MRPL42: variants seen among roughly 807,000 people sequenced by gnomAD.
The protein encoded by MRPL42 is mitochondrial ribosomal protein L42.
MRPL42 carries 17 observed loss-of-function variants against 17.9 expected under a neutral mutation model. That is an observed-to-expected ratio of 0.95 (90% CI 0.65 to 1.42). The LOEUF is 1.42. Among genes scored for constraint, MRPL42 ranks in the 40% most tolerant of loss-of-function variants. The pLI, the probability that MRPL42 is intolerant of heterozygous loss-of-function variation, is 0.00. For missense variants in MRPL42, 177 were observed against 175.2 expected, an observed-to-expected ratio of 1.01 and a Z score of -0.06; for synonymous variants, 59 against 54.4, an observed-to-expected ratio of 1.08 and a Z score of -0.37.
Position 93,504,516 on chromosome 12 carries a change from T to C in MRPL42, c.*3295T>C, listed in dbSNP as rs1953645762. 1 of 152,250 alleles carries C rather than the reference T, an allele frequency of 6.6e-6. No homozygotes were observed. Among genetic ancestry groups the C allele is most frequent in the South Asian group, 2.1e-4 (1 of 4,830 alleles). The allele number at this position is 152,250 out of a possible 1,614,324, so 9.4% of individuals were successfully genotyped here. A position where few individuals can be genotyped will look rare whatever the true frequency, so the allele number is the denominator to read the frequency against. ...GTTCTATTAAAATTTTAAAAAATCT[T>C]TATCAATTTAGTAGGCAAAGACTGG... On this transcript the variant is annotated 3_prime_UTR_variant, in exon 6 of 6. Transcript: ENST00000549982.
intron 2 of MRPL42, among the ~76,000 whole-genome samples, chr12:93,475,390 A>G (rs1015986809): frequency 1.6e-4 from 24 of 151,942 alleles, no homozygotes; most frequent in Non-Finnish European, 1.5e-4. Flanking sequence ...TGCTGGGATT[A>G]CAGGCATGAG....
At chr12:93,478,214 C>T (rs1001972628) in intron 3 of MRPL42, among the ~76,000 whole-genome samples, 5 of 151,382 alleles carry the variant, frequency 3.3e-5, no homozygotes, top group Middle Eastern at 3.6e-3. Flanking sequence ...CCTCGGCCTC[C>T]CAGCGTACAA....
At position 93,513,012 on chromosome 12, in the gene MRPL42, A is replaced by T. The variant is rs1310200026; in HGVS notation, c.*11791A>T. On this transcript the variant is annotated 3_prime_UTR_variant, in exon 6 of 6. Transcript: ENST00000549982. ...ATTAGTTTAAAAACTTTTTTTTCCC[A>T]TTCCGACCATTATCCCTTTGTAAAT... The T allele has an allele frequency of 6.6e-6, 1 of 152,088 alleles. No individual in the cohort carries two copies. The highest frequency in any genetic ancestry group is 1.5e-5 in the Non-Finnish European group (1 of 68,014). The allele number at this position is 152,088 out of a possible 1,614,324, so 9.4% of individuals were successfully genotyped here.
intron 5 of MRPL42, among the ~76,000 whole-genome samples, chr12:93,496,920 C>G (rs1470106842): frequency 6.6e-6 from 1 of 152,030 alleles, no homozygotes; most frequent in African/African-American, 2.4e-5. Flanking sequence ...ACAAGTGATT[C>G]CTCAGAGACT....
rs1395286526 is a variant in MRPL42 at position 93,514,341 on chromosome 12, C to G, written c.*13120C>G. ...GAGATGGCGTCTCCTCTGTCAATCT[C>G]GGTTCATTGCAACCTCCACCTCCCA... On this transcript the variant is annotated 3_prime_UTR_variant, in exon 6 of 6. Coordinates refer to ENST00000549982, the MANE Select transcript of MRPL42 (RefSeq NM_014050.4). 7.2e-6 allele frequency: 1 copy of G among 139,130 alleles called. No individual in the cohort carries two copies. The highest frequency in any genetic ancestry group is 2.2e-4 in the East Asian group (1 of 4,622). The allele number at this position is 139,130 out of a possible 1,614,324, so 8.6% of individuals were successfully genotyped here.
At chr12:93,483,237 T>C (rs1388977378) in intron 4 of MRPL42, among the ~76,000 whole-genome samples, 2 of 152,214 alleles carry the variant, frequency 1.3e-5, no homozygotes, top group Admixed American at 1.3e-4. Context: ...TGTCTCCCTT[T>C]CTACTTTTCA....
rs1409050651 is a variant in MRPL42 at position 93,505,419 on chromosome 12, A to G, written c.*4198A>G. 6.6e-6 allele frequency: 1 copy of G among 152,340 alleles called. No individual in the cohort carries two copies. Among genetic ancestry groups the G allele is most frequent in the East Asian group, 1.9e-4 (1 of 5,194 alleles). 9.4% of individuals were successfully genotyped at this position (152,340 alleles called of 1,614,324 possible). On this transcript the variant is annotated 3_prime_UTR_variant, in exon 6 of 6. Coordinates refer to ENST00000549982, the MANE Select transcript of MRPL42 (RefSeq NM_014050.4). ...CAGCCCACAAACACTGGTAGTAAGC[A>G]AACTATTTTATTTGCTAAAGGCATA...
chr12:93,473,612 G>A (rs1880011363), intron 2 of MRPL42, among the ~76,000 whole-genome samples: 1 of 151,680 alleles, frequency 6.6e-6, no homozygotes, highest in South Asian at 2.1e-4. Context: ...TGTATTTTTA[G>A]TAGAGATGGG....
intron 5 of MRPL42, 132 bp downstream of exon 5, chr12:93,487,792 G>A: frequency 1.2e-6 from 1 of 822,614 alleles, no homozygotes; most frequent in Non-Finnish European, 1.8e-6. Flanking sequence ...CACCTACTAT[G>A]TTGTACTTTT....
At chr12:93,499,577 C>G (rs910492197) in intron 5 of MRPL42, among the ~76,000 whole-genome samples, 3 of 151,926 alleles carry the variant, frequency 2.0e-5, no homozygotes, top group Non-Finnish European at 2.9e-5. Flanking sequence ...CTAGTACAAC[C>G]TTGATTATCT....
At chr12:93,472,540 T>C (rs949481299) in intron 2 of MRPL42, among the ~76,000 whole-genome samples, 2 of 152,118 alleles carry the variant, frequency 1.3e-5, no homozygotes, top group Admixed American at 1.3e-4. Context: ...ATTGTGCCAT[T>C]GTACTCCAGC....
chr12:93,487,787 A>G lies in MRPL42; in HGVS notation c.383+127A>G, dbSNP rs995559690. On this transcript the variant is annotated intron_variant, in intron 5 of 5. Coordinates refer to ENST00000549982, the MANE Select transcript of MRPL42 (RefSeq NM_014050.4). ...AAATTAACCCTAAGTAGAATCACCT[A>G]CTATGTTGTACTTTTTTTTTCTTTT... The G allele has an allele frequency of 1.6e-5, 13 of 829,762 alleles. No homozygotes were observed. In the Admixed American group the frequency reaches 1.7e-4, roughly 11 times the overall value. The allele number at this position is 829,762 out of a possible 1,614,324, so 51.4% of individuals were successfully genotyped here.
chr12:93,478,145 G>A (rs1220686236), intron 3 of MRPL42, among the ~76,000 whole-genome samples: 5 of 151,906 alleles, frequency 3.3e-5, no homozygotes, highest in African/African-American at 7.3e-5. Flanking sequence ...TTGTAGAAAC[G>A]GGGTTTCACC....
At chr12:93,479,846 G>C (rs1479376738) in intron 4 of MRPL42, among the ~76,000 whole-genome samples, 1 of 148,136 alleles carries the variant, frequency 6.8e-6, no homozygotes, top group Non-Finnish European at 1.5e-5. Flanking sequence ...TGGGATTACA[G>C]CTACTTTTTT....
At chr12:93,481,934 C>T (rs1392432591) in intron 4 of MRPL42, among the ~76,000 whole-genome samples, 1 of 152,142 alleles carries the variant, frequency 6.6e-6, no homozygotes, top group East Asian at 1.9e-4. Flanking sequence ...CATGGTTTAT[C>T]ATTATCATCA....
intron 2 of MRPL42, among the ~76,000 whole-genome samples, chr12:93,473,730 C>T (rs1380690261): frequency 1.3e-5 from 2 of 151,462 alleles, no homozygotes; most frequent in Non-Finnish European, 2.9e-5. Context: ...TACGCTTGGC[C>T]TATGTTTTGT....
chr12:93,505,285 G>C lies in MRPL42; in HGVS notation c.*4064G>C, dbSNP rs1190234507. The C allele has an allele frequency of 6.6e-6, 1 of 152,150 alleles. No individual in the cohort carries two copies. Among genetic ancestry groups the C allele is most frequent in the Non-Finnish European group, 1.5e-5 (1 of 68,032 alleles). 9.4% of individuals were successfully genotyped at this position (152,150 alleles called of 1,614,324 possible). A position where few individuals can be genotyped will look rare whatever the true frequency, so the allele number is the denominator to read the frequency against. ...AATTTTTAAGAAAAAAAGATATAATGTGCCATCATTTTGGATGGTTCTGGG... is the reference window on the plus strand; with the variant it reads ...AATTTTTAAGAAAAAAAGATATAATCTGCCATCATTTTGGATGGTTCTGGG... On this transcript the variant is annotated 3_prime_UTR_variant, in exon 6 of 6. Coordinates refer to ENST00000549982, the MANE Select transcript of MRPL42 (RefSeq NM_014050.4).
In MRPL42 at chr12:93,514,630, A is replaced by G. The variant is rs1953762525; in HGVS notation, c.*13409A>G. 2 of 152,178 alleles carry G rather than the reference A, an allele frequency of 1.3e-5. No individual in the cohort carries two copies. Among genetic ancestry groups the G allele is most frequent in the Admixed American group, 6.5e-5 (1 of 15,270 alleles). 9.4% of individuals were successfully genotyped at this position (152,178 alleles called of 1,614,324 possible). A position where few individuals can be genotyped will look rare whatever the true frequency, so the allele number is the denominator to read the frequency against. ...ATATTGAGTGGAAATCAGTCTGCTTATGGTTTATAATCCTCAGACTTGATT... is the reference window on the plus strand; with the variant it reads ...ATATTGAGTGGAAATCAGTCTGCTTGTGGTTTATAATCCTCAGACTTGATT... On this transcript the variant is annotated 3_prime_UTR_variant, in exon 6 of 6. Coordinates refer to ENST00000549982, the MANE Select transcript of MRPL42 (RefSeq NM_014050.4).
chr12:93,488,144 G>A (rs899917053), intron 5 of MRPL42: 10 of 345,958 alleles, frequency 2.9e-5, no homozygotes, highest in Non-Finnish European at 4.6e-5. Context: ...CTAATTTTTT[G>A]TATTTTCATT....
Sources: allele counts gnomAD v4.1 joint callset (sites outside exome capture counted in the v4.1 genomes callset), GRCh38; gene constraint gnomAD v4.1.1; transcripts MANE v1.5; gene names NCBI Gene and HGNC (gene_info 2026-07-23, HGNC 2026-07-21).